EVC: variants seen among roughly 807,000 people sequenced by gnomAD.
The protein encoded by EVC is EvC ciliary complex subunit 1, also known as evC complex member EVC.
EVC carries 116 observed loss-of-function variants against 118.9 expected under a neutral mutation model. That is an observed-to-expected ratio of 0.98 (90% CI 0.84 to 1.14). EVC has a LOEUF of 1.14. Ranked by LOEUF, EVC falls within the 50% of genes most tolerant of loss-of-function variation. The pLI is 0.00. For missense variants in EVC, 1,401 were observed against 1,246.4 expected (o/e 1.12, Z -1.87); for synonymous variants, 619 against 534.7 (o/e 1.16, Z -2.18).
chr4:5,797,248 T>C lies in EVC; in HGVS notation c.2097+16T>C. 1 of 1,590,482 alleles carries C rather than the reference T, an allele frequency of 6.3e-7. No homozygotes were observed. Among genetic ancestry groups the C allele is most frequent in the Non-Finnish European group, 8.6e-7 (1 of 1,168,226 alleles). On this transcript the variant is annotated intron_variant, in intron 14 of 20. Transcript: ENST00000264956. ...CAGGGCCCTGGTAAGACCAGCATGG[T>C]GGCCCCACCCATTCCAGACAGGCGG...
the EVC span, chr4:5,827,903 T>G: frequency 4.4e-6 from 2 of 451,780 alleles, no homozygotes; most frequent in African/African-American, 4.3e-5. Flanking sequence ...GCTCTAAAGT[T>G]AGGAATAGAG....
In EVC at chr4:5,798,223, G is replaced by A. The variant is rs139494735; in HGVS notation, c.2098-363G>A. ...ATCTGGCTTCAAACCTGGCTCTGCT[G>A]TGTGACTTTAGAAAGTTACTTAACT... On this transcript the variant is annotated intron_variant, in intron 14 of 20. Transcript: ENST00000264956. This position sits in a 1 kb window ranked among gnomAD's most constrained non-coding sequence, Gnocchi z 4.1. Among the ~76,000 whole-genome samples the A allele has an allele frequency of 5.9e-5, 9 of 152,328 alleles. No homozygotes were observed. The East Asian group carries it at 1.4e-3, about 23-fold the overall frequency.
rs1015070015 is a variant in EVC at position 5,749,662 on chromosome 4, G to A, written c.1098+1356G>A. 5.9e-5 allele frequency among the ~76,000 whole-genome samples: 9 copies of A among 152,124 alleles called. No individual in the cohort carries two copies. The highest frequency in any genetic ancestry group is 1.2e-4 in the Non-Finnish European group (8 of 68,042). On this transcript the variant is annotated intron_variant, in intron 8 of 20. Coordinates refer to ENST00000264956, the MANE Select transcript of EVC (RefSeq NM_153717.3). The surrounding 1 kb of genome is among the most constrained non-coding windows in gnomAD (Gnocchi z 4.4). ...TACACATTGGGCTCATCCTGTGTGC[G>A]CCAGTGTGTACTAGGGCCAGGGAAC... is the stretch of plus-strand genomic sequence containing the variant.
At chr4:5,804,476 C>G (rs1205745325) in intron 16 of EVC, among the ~76,000 whole-genome samples, 2 of 152,142 alleles carry the variant, frequency 1.3e-5, no homozygotes, top group Non-Finnish European at 2.9e-5. Flanking sequence ...AGTCGGCACC[C>G]ATTTCTCCTG....
chr4:5,793,164 T>G (rs1208470678), intron 12 of EVC, among the ~76,000 whole-genome samples: 1 of 152,144 alleles, frequency 6.6e-6, no homozygotes, highest in Non-Finnish European at 1.5e-5. Flanking sequence ...GTAAGCATGG[T>G]ATTGGTGCGG....
chr4:5,725,700 C>T (rs1224197433), intron 2 of EVC, among the ~76,000 whole-genome samples: 1 of 152,150 alleles, frequency 6.6e-6, no homozygotes, highest in African/African-American at 2.4e-5. Context: ...GTTTCTTTTG[C>T]TGTGCAGAAG....
chr4:5,821,865 C>T, the EVC span: 1 of 1,546,078 alleles, frequency 6.5e-7, no homozygotes, highest in South Asian at 1.2e-5. The surrounding 1 kb of genome is among the most constrained non-coding windows in gnomAD (Gnocchi z 4.4). Flanking sequence ...AAAGAGAGCG[C>T]CAATCGCTGC....
rs79882788 is a variant in EVC, at chr4:5,789,205, A to G, written c.1777-4403A>G. 5.9e-5 allele frequency among the ~76,000 whole-genome samples: 9 copies of G among 152,070 alleles called. No individual in the cohort carries two copies. Among genetic ancestry groups the G allele is most frequent in the East Asian group, 1.9e-4 (1 of 5,182 alleles). On this transcript the variant is annotated intron_variant, in intron 12 of 20. Transcript: ENST00000264956. This position sits in a 1 kb window ranked among gnomAD's most constrained non-coding sequence, Gnocchi z 4.3. ...GTGTTGCTTCTCTGCAGAACCCCCA[A>G]TGGCTTCTCATTTCACACAGCATGA...
Position 5,731,652 on chromosome 4 carries a change from C to A in EVC, c.612C>A (p.Cys204Ter), listed in dbSNP as rs553634958. Reference sequence around the variant, plus strand: ...ACGCCTTCCCTGAAGTGCTGGCCTGCGAGAGGTAAGGAGAGCGGGCAATGG... The same window carrying A: ...ACGCCTTCCCTGAAGTGCTGGCCTGAGAGAGGTAAGGAGAGCGGGCAATGG... The part of the protein sequence containing the change: ...RVNAFPEVLA[C>*]ESVDVDLCIY... The change falls in exon 4 of 21, where the codon TGC becomes TGA. Residue 204 changes from cysteine (C) to a stop codon, truncating the protein, a stop_gained. Coordinates refer to ENST00000264956, the MANE Select transcript of EVC (RefSeq NM_153717.3). LOFTEE classifies it high-confidence loss of function. This position sits in a 1 kb window ranked among gnomAD's most constrained non-coding sequence, Gnocchi z 5.6. 5 of 1,613,788 alleles carry A rather than the reference C, an allele frequency of 3.1e-6. No homozygotes were observed. Among genetic ancestry groups the A allele is most frequent in the South Asian group, 1.1e-5 (1 of 91,020 alleles).
intron 13 of EVC, among the ~76,000 whole-genome samples, chr4:5,794,357 ATG>A (rs1281036653): frequency 1.4e-4 from 20 of 139,958 alleles, no homozygotes; most frequent in Admixed American, 2.2e-4. Context: ...ATATATATTT[ATG>A]TATTTATATT....
At chr4:5,760,282 CAAT>C (rs1731810325) in intron 11 of EVC, among the ~76,000 whole-genome samples, 1 of 152,134 alleles carries the variant, frequency 6.6e-6, no homozygotes, top group African/African-American at 2.4e-5. Flanking sequence ...AAAGAGTTGT[CAAT>C]GATGCCAAAA....
In EVC at chr4:5,754,409, G is replaced by A. The variant is rs1286672241; in HGVS notation, c.1464+476G>A. On this transcript the variant is annotated intron_variant, in intron 10 of 20. Coordinates refer to ENST00000264956, the MANE Select transcript of EVC (RefSeq NM_153717.3). The surrounding 1 kb of genome is among the most constrained non-coding windows in gnomAD (Gnocchi z 5.8). ...TGGTCAGGGCCAGGAGGTGGCCAAG[G>A]TCAGAGGTACCCTTGGTCTTGCCTG... 6.6e-6 allele frequency among the ~76,000 whole-genome samples: 1 copy of A among 152,150 alleles called. No individual in the cohort carries two copies. Among genetic ancestry groups the A allele is most frequent in the Non-Finnish European group, 1.5e-5 (1 of 68,022 alleles).
At chr4:5,803,120 G>C (rs953936554) in intron 16 of EVC, among the ~76,000 whole-genome samples, 1 of 152,208 alleles carries the variant, frequency 6.6e-6, no homozygotes, top group Non-Finnish European at 1.5e-5. Flanking sequence ...CCCAGTTCCA[G>C]TAACATACAG....
chr4:5,751,998 C>T (rs570812232), intron 8 of EVC, among the ~76,000 whole-genome samples: 1 of 152,286 alleles, frequency 6.6e-6, no homozygotes, highest in African/African-American at 2.4e-5. Context: ...CTGACAGAAC[C>T]ATCAGCATCT....
chr4:5,734,836 C>T (rs1727416950), intron 5 of EVC, among the ~76,000 whole-genome samples: 1 of 152,180 alleles, frequency 6.6e-6, no homozygotes, highest in African/African-American at 2.4e-5. Flanking sequence ...ATGGAGGTCC[C>T]TGGATGGGGG....
chr4:5,781,350 A>T (rs527695493), intron 11 of EVC, among the ~76,000 whole-genome samples: 1 of 152,156 alleles, frequency 6.6e-6, no homozygotes, highest in Non-Finnish European at 1.5e-5. Flanking sequence ...GTCTAGGGGA[A>T]TGACAGATAA....
intron 5 of EVC, among the ~76,000 whole-genome samples, chr4:5,736,421 A>C (rs1241703216): frequency 1.3e-5 from 2 of 151,192 alleles, no homozygotes; most frequent in Non-Finnish European, 2.9e-5. Flanking sequence ...CATCAGAACC[A>C]CCCCTGGGGG....
chr4:5,819,149 A>G (rs140630054), downstream of EVC, among the ~76,000 whole-genome samples: 1,067 of 152,324 alleles, frequency 7.0e-3, 12 homozygotes, highest in African/African-American at 0.024. Flanking sequence ...GATTATTGAG[A>G]GATGGCTCAG....
chr4:5,800,726 A>C (rs1399695966), intron 15 of EVC, among the ~76,000 whole-genome samples: 1 of 152,194 alleles, frequency 6.6e-6, no homozygotes, highest in Non-Finnish European at 1.5e-5. Context: ...CCCCCTTTGC[A>C]GATGGGGCAG....
Sources: allele counts gnomAD v4.1 joint callset (sites outside exome capture counted in the v4.1 genomes callset), GRCh38; gene constraint gnomAD v4.1.1; non-coding constraint Gnocchi (gnomAD v3.1); transcripts MANE v1.5; gene names NCBI Gene and HGNC (gene_info 2026-07-23, HGNC 2026-07-21).